CDH18: variants seen among roughly 807,000 people sequenced by gnomAD.
CDH18 encodes the protein cadherin 18, also known as cadherin-18.
Under a neutral mutation model 67.9 loss-of-function variants are expected in CDH18, and 31 were observed. The observed-to-expected ratio is 0.46, with a 90% CI of 0.34 to 0.62. The LOEUF is 0.62. Ranked by LOEUF, CDH18 falls within the 20% of genes least tolerant of loss-of-function variation. CDH18 has a pLI of 0.01. For synonymous variants in CDH18, 362 were observed against 347.2 expected, an observed-to-expected ratio of 1.04 and a Z score of -0.48; for missense variants, 890 against 975.5, an observed-to-expected ratio of 0.91 and a Z score of 1.17.
At chr5:20,201,658 T>C (rs1739458211) in intron 2 of CDH18, among the ~76,000 whole-genome samples, 1 of 152,228 alleles carries the variant, frequency 6.6e-6, no homozygotes, top group South Asian at 2.1e-4. Context: ...ATATAATACA[T>C]GAATAAAAGA....
At chr5:19,579,120 A>G (rs1452544664) in intron 7 of CDH18, among the ~76,000 whole-genome samples, 1 of 152,002 alleles carries the variant, frequency 6.6e-6, no homozygotes, top group Non-Finnish European at 1.5e-5. Context: ...GATTATTCAT[A>G]TTTTAAAATA....
chr5:19,508,865 CTTT>C (rs35438564), intron 10 of CDH18, among the ~76,000 whole-genome samples: 13 of 127,572 alleles, frequency 1.0e-4, no homozygotes, highest in Non-Finnish European at 8.2e-5. Context: ...TCTTTCTTTT[CTTT>C]TTTTTTTTTT....
chr5:19,563,936 A>G (rs1303194195), intron 8 of CDH18, among the ~76,000 whole-genome samples: 1 of 152,186 alleles, frequency 6.6e-6, no homozygotes, highest in Non-Finnish European at 1.5e-5. Context: ...CACAATGATT[A>G]TGAGACTTTG....
chr5:19,764,966 G>C (rs1272104576), intron 3 of CDH18, among the ~76,000 whole-genome samples: 1 of 152,024 alleles, frequency 6.6e-6, no homozygotes, highest in Non-Finnish European at 1.5e-5. Flanking sequence ...AAGTTTTCTA[G>C]GTATTTCCAG....
intron 2 of CDH18, among the ~76,000 whole-genome samples, chr5:19,996,677 T>C (rs75642562): frequency 0.015 from 2,231 of 152,086 alleles, 61 homozygotes; most frequent in African/African-American, 0.051. Flanking sequence ...GTTACTAGAA[T>C]GTTTATTGAT....
intron 2 of CDH18, among the ~76,000 whole-genome samples, chr5:20,149,682 T>A (rs771968215): frequency 6.6e-6 from 1 of 152,194 alleles, no homozygotes; most frequent in Non-Finnish European, 1.5e-5. Flanking sequence ...ATTTTATGGA[T>A]ACTCACAAAT....
intron 8 of CDH18, among the ~76,000 whole-genome samples, chr5:19,567,080 G>A (rs1740541281): frequency 6.6e-6 from 1 of 152,044 alleles, no homozygotes; most frequent in African/African-American, 2.4e-5. Context: ...TCAGAGGCTA[G>A]GAAGGGTAGT....
rs755784190 is a variant in CDH18, at chr5:20,193,538, C to T, written c.-518+61906G>A. ...GTAGCTGATACCAGTCCTTCTGAAA[C>T]TATTCCAAACAATTTAAAAGGAGAG... On this transcript the variant is annotated intron_variant, in intron 2 of 14. Coordinates refer to the CDH18 transcript ENST00000507958. 2.1e-4 allele frequency among the ~76,000 whole-genome samples: 32 copies of T among 152,104 alleles called. 1 individual carries two copies. Among genetic ancestry groups the T allele is most frequent in the Non-Finnish European group, 1.2e-4 (8 of 68,008 alleles).
chr5:20,353,453 G>A (rs1034734827), intron 1 of CDH18, among the ~76,000 whole-genome samples: 1 of 152,134 alleles, frequency 6.6e-6, no homozygotes, highest in Non-Finnish European at 1.5e-5. Context: ...ATAAAGATAT[G>A]CTAGATTTCC....
intron 1 of CDH18, among the ~76,000 whole-genome samples, chr5:20,276,826 G>A (rs1038598174): frequency 5.3e-5 from 8 of 152,102 alleles, no homozygotes; most frequent in African/African-American, 1.9e-4. Context: ...GTATTCACCA[G>A]AAGCTGACTG....
chr5:20,255,742 T>C (rs894331528), intron 1 of CDH18, among the ~76,000 whole-genome samples: 1 of 152,022 alleles, frequency 6.6e-6, no homozygotes, highest in Non-Finnish European at 1.5e-5. Context: ...GTTAGCCATG[T>C]AGATATGGGC....
At chr5:20,011,752 G>A (rs1205911981) in intron 2 of CDH18, among the ~76,000 whole-genome samples, 2 of 152,070 alleles carry the variant, frequency 1.3e-5, no homozygotes, top group African/African-American at 4.8e-5. Flanking sequence ...AATCACAACT[G>A]TTGATTGGCA....
Position 19,915,413 on chromosome 5 carries a change from T to C in CDH18, c.-257+65647A>G, listed in dbSNP as rs116627203. Among the ~76,000 whole-genome samples the C allele has an allele frequency of 1.7e-3, 255 of 152,282 alleles. 2 individuals are homozygous for C. Among genetic ancestry groups the C allele is most frequent in the African/African-American group, 5.9e-3 (244 of 41,574 alleles). ...CAAAAATCCTACTATAACTTTTGAC[T>C]TTCCAAAACTTAAGTACTAACAGCC... On this transcript the variant is annotated intron_variant, in intron 2 of 12. Coordinates refer to ENST00000382275, the MANE Select transcript of CDH18 (RefSeq NM_004934.5).
At chr5:20,002,611 T>C (rs891635649) in intron 2 of CDH18, among the ~76,000 whole-genome samples, 18 of 152,294 alleles carry the variant, frequency 1.2e-4, no homozygotes, top group Admixed American at 1.1e-3. Flanking sequence ...TACATATATA[T>C]AACATATTTC....
At chr5:20,251,714 T>C (rs1743873064) in intron 2 of CDH18, among the ~76,000 whole-genome samples, 1 of 152,286 alleles carries the variant, frequency 6.6e-6, no homozygotes. Context: ...TGGATTGTAA[T>C]TTGGTTTATA....
intron 10 of CDH18, among the ~76,000 whole-genome samples, chr5:19,508,707 A>AGTTACT (rs980217769): frequency 6.6e-6 from 1 of 152,102 alleles, no homozygotes; most frequent in Admixed American, 6.6e-5. Flanking sequence ...TGTTAATTAG[A>AGTTACT]GTTACTGTTA....
upstream of CDH18, among the ~76,000 whole-genome samples, chr5:19,992,692 C>A (rs2150387337): frequency 6.6e-6 from 1 of 151,858 alleles, no homozygotes; most frequent in East Asian, 1.9e-4. Flanking sequence ...ATTACATTCA[C>A]AAATAAGTCA....
intron 3 of CDH18, among the ~76,000 whole-genome samples, chr5:19,833,639 A>G (rs1342286427): frequency 6.6e-6 from 1 of 152,026 alleles, no homozygotes; most frequent in Admixed American, 6.6e-5. Context: ...CTCATTCAAT[A>G]TGATATTGGA....
intron 5 of CDH18, among the ~76,000 whole-genome samples, chr5:19,719,960 G>GAAAGAAAGAAAGAAA (rs1561140010): frequency 1.0e-5 from 1 of 100,438 alleles, no homozygotes; most frequent in African/African-American, 4.7e-5. Context: ...AAAGAAAGAA[G>GAAAGAAAGAAAGAAA]GAAAGAGTTA....
Sources: allele counts gnomAD v4.1 joint callset (sites outside exome capture counted in the v4.1 genomes callset), GRCh38; gene constraint gnomAD v4.1.1; transcripts MANE v1.5; gene names NCBI Gene and HGNC (gene_info 2026-07-23, HGNC 2026-07-21).